The following CAPN15 variants were observed in gnomAD, a reference collection of about 807,000 sequenced individuals.
CAPN15 encodes calpain-15.
Under a neutral mutation model 97.9 loss-of-function variants are expected in CAPN15, and 53 were observed. The observed-to-expected ratio is 0.54, with a 90% confidence interval of 0.43 to 0.68. CAPN15 has a LOEUF of 0.68. Among genes scored for constraint, CAPN15 ranks in the 30% least tolerant of loss-of-function variants. The pLI is 0.00. For missense variants in CAPN15, 1,592 were observed against 1,589.8 expected, an observed-to-expected ratio of 1.00 and a Z score of -0.02; for synonymous variants, 922 against 722.5, an observed-to-expected ratio of 1.28 and a Z score of -4.43.
Position 533,676 on chromosome 16 carries a change from C to T in CAPN15, c.-189-270C>T, listed in dbSNP as rs187347677. 1.5e-3 allele frequency among the ~76,000 whole-genome samples: 226 copies of T among 152,214 alleles called. 1 individual carries two copies. The highest frequency in any genetic ancestry group is 2.5e-3 in the Non-Finnish European group (169 of 67,998). On this transcript the variant is annotated intron_variant, in intron 1 of 13. Transcript: ENST00000219611. ...GGCCCTGTCTGCGGTCCTGGCTGGC[C>T]GGAGGTTGACCGCACTGGACAGGTC...
intron 1 of CAPN15, among the ~76,000 whole-genome samples, chr16:529,900 A>G (rs11864655): frequency 0.25 from 38,387 of 152,082 alleles, 7,909 homozygotes; most frequent in African/African-American, 0.56. Context: ...AAGACACAGA[A>G]GAAGGAGGCC....
chr16:546,481 C>T (rs947317569), intron 3 of CAPN15, among the ~76,000 whole-genome samples: 37 of 152,058 alleles, frequency 2.4e-4, no homozygotes, highest in Non-Finnish European at 4.7e-4. Flanking sequence ...TGAGTTTGGC[C>T]GGGACCCCCT....
intron 3 of CAPN15, chr16:540,300 C>G: frequency 1.0e-6 from 1 of 985,526 alleles, no homozygotes; most frequent in Non-Finnish European, 1.2e-6. Context: ...GTAGGAGCGG[C>G]CCAGGGGGGC....
Position 547,519 on chromosome 16 carries a change from C to G in CAPN15, c.681C>G (p.Pro227=). Residue 227 remains proline, a synonymous_variant, in exon 4 of 14, where the codon CCC becomes CCG. Transcript: ENST00000219611. ...SQGPAAEPEP[P]RVPPFSPFSS... ...GCCCAGCTGCCGAACCAGAGCCGCC[C>G]AGGGTCCCGCCCTTCAGCCCCTTCT... is the stretch of plus-strand genomic sequence containing the variant. The G allele has an allele frequency of 6.3e-7, 1 of 1,598,240 alleles. No individual in the cohort carries two copies. The highest frequency in any genetic ancestry group is 8.5e-7 in the Non-Finnish European group (1 of 1,179,160).
In CAPN15 at chr16:552,570, G is replaced by A. The variant is rs752645520; in HGVS notation, c.2738-35G>A. 58 of 1,561,842 alleles carry A rather than the reference G, an allele frequency of 3.7e-5. No individual in the cohort carries two copies. The highest frequency in any genetic ancestry group is 2.8e-4 in the African/African-American group (21 of 73,914). On this transcript the variant is annotated intron_variant, in intron 11 of 13. Coordinates refer to ENST00000219611, the MANE Select transcript of CAPN15 (RefSeq NM_005632.3). The surrounding 1 kb of genome is among the most constrained non-coding windows in gnomAD (Gnocchi z 6.4). ...CCCCAGGCTCATGCCCCAGGCCCAC[G>A]GGGAGGGCTGCGGTTCACACGCCCG...
At position 547,659 on chromosome 16, in the gene CAPN15, C is replaced by T. The variant is rs1350668114; in HGVS notation, c.821C>T (p.Ala274Val). ...QPSPSAGCRG[A>V]PQGSGWAGAS... Reference sequence around the variant, plus strand: ...TCACCCTCTGCCGGCTGCAGGGGAGCCCCCCAGGGCTCGGGCTGGGCTGGG... The same window carrying T: ...TCACCCTCTGCCGGCTGCAGGGGAGTCCCCCAGGGCTCGGGCTGGGCTGGG... Residue 274 changes from alanine to valine, a missense_variant, in exon 4 of 14, where the codon GCC (alanine) becomes GTC (valine). By Grantham distance (64) the Ala-to-Val change is moderately conservative. Coordinates refer to ENST00000219611, the MANE Select transcript of CAPN15 (RefSeq NM_005632.3). 3.8e-6 allele frequency: 6 copies of T among 1,572,518 alleles called. No individual in the cohort carries two copies. Among genetic ancestry groups the T allele is most frequent in the East Asian group, 2.3e-5 (1 of 44,052 alleles).
rs774748919 is a variant in CAPN15, at chr16:552,353, C to T, written c.2560C>T (p.Arg854Trp). ...GCTGGACCTGTGCATCCTGGTGTTC[C>T]GGGCCACGTTCGGCAGCGGCGGCCA... The part of the protein sequence containing the change: ...HLLDLCILVF[R>W]ATFGSGGHLS... The change falls in exon 11 of 14, where the codon CGG becomes TGG. Residue 854 changes from arginine to tryptophan, a missense_variant. By Grantham distance (101) the Arg-to-Trp change is moderately radical. Transcript: ENST00000219611. The surrounding 1 kb of genome is among the most constrained non-coding windows in gnomAD (Gnocchi z 6.4). 1.9e-5 allele frequency: 30 copies of T among 1,595,380 alleles called. No individual in the cohort carries two copies. Among genetic ancestry groups the T allele is most frequent in the East Asian group, 4.5e-5 (2 of 44,228 alleles).
chr16:539,823 C>G (rs901408399), intron 3 of CAPN15: 2 of 152,346 alleles, frequency 1.3e-5, no homozygotes, highest in African/African-American at 4.8e-5. Context: ...AGCGTGTGAT[C>G]TCTTTTCTCA....
At chr16:530,133 C>T (rs1363082022) in intron 1 of CAPN15, among the ~76,000 whole-genome samples, 1 of 152,228 alleles carries the variant, frequency 6.6e-6, no homozygotes, top group African/African-American at 2.4e-5. Context: ...GCCTCTCATG[C>T]CCCACGCTGG....
In CAPN15 at chr16:547,757, A is replaced by G. The variant is rs772314259; in HGVS notation, c.919A>G (p.Thr307Ala). The change falls in exon 4 of 14, where the codon ACC becomes GCC. Residue 307 changes from threonine to alanine, a missense_variant. Thr to Ala is a moderately conservative substitution (Grantham distance 58). Around this residue, in one of 3 missense-constraint regions of CAPN15, gnomAD observed 883 missense variants for 776.6 expected, o/e 1.14. Transcript: ENST00000219611. ...VLEEEATEGG[T>A]SRVEAGSSTS... ...GGAGGAAGAGGCCACGGAGGGTGGC[A>G]CCAGCCGCGTAGAGGCCGGCAGCTC... 7 of 1,608,878 alleles carry G rather than the reference A, an allele frequency of 4.4e-6. No homozygotes were observed. In the Admixed American group the frequency reaches 1.2e-4, roughly 27 times the overall value.
chr16:540,240 C>T (rs1309759627), intron 3 of CAPN15: 1 of 985,378 alleles, frequency 1.0e-6, no homozygotes, highest in Admixed American at 6.1e-5. Flanking sequence ...CGGACCACAG[C>T]TTCCCCGGGG....
rs771706179 is a variant in CAPN15 at position 548,149 on chromosome 16, G to A, written c.1311G>A (p.Thr437=). 11 of 1,531,938 alleles carry A rather than the reference G, an allele frequency of 7.2e-6. No homozygotes were observed. The highest frequency in any genetic ancestry group is 6.1e-5 in the South Asian group (5 of 81,398). The allele number at this position is 1,531,938 out of a possible 1,614,324, so 94.9% of individuals were successfully genotyped here. A position where few individuals can be genotyped will look rare whatever the true frequency, so the allele number is the denominator to read the frequency against. Residue 437 remains threonine (T), a synonymous_variant, in exon 4 of 14, where the codon ACG becomes ACA. Coordinates refer to ENST00000219611, the MANE Select transcript of CAPN15 (RefSeq NM_005632.3). The part of the protein sequence containing the change: ...LRAKHCAACH[T]PQLLVAQRRG... ...CCAAGCACTGCGCCGCCTGCCACACGCCTCAGCTCCTGGTGGCCCAGCGGC... is the reference window on the plus strand; with the variant it reads ...CCAAGCACTGCGCCGCCTGCCACACACCTCAGCTCCTGGTGGCCCAGCGGC...
Position 535,964 on chromosome 16 carries a change from C to A in CAPN15, c.-136-65C>A. ...GGGCCTCACCCTGCTGTCCCTCGGC[C>A]TGGCCTGGGCACACTCCTTGGTGAC... On this transcript the variant is annotated intron_variant, in intron 2 of 13. Transcript: ENST00000219611. The surrounding 1 kb of genome is among the most constrained non-coding windows in gnomAD (Gnocchi z 6.2). 2.2e-6 allele frequency: 1 copy of A among 448,782 alleles called. No individual in the cohort carries two copies. Among genetic ancestry groups the A allele is most frequent in the Non-Finnish European group, 2.9e-6 (1 of 341,846 alleles). 27.8% of individuals were successfully genotyped at this position (448,782 alleles called of 1,614,324 possible). A position where few individuals can be genotyped will look rare whatever the true frequency, so the allele number is the denominator to read the frequency against.
chr16:527,767 C>T lies in CAPN15; in HGVS notation c.-452C>T, dbSNP rs1391960551. The T allele has an allele frequency of 1.3e-5, 2 of 149,642 alleles. No homozygotes were observed. Among genetic ancestry groups the T allele is most frequent in the Non-Finnish European group, 1.5e-5 (1 of 67,080 alleles). The allele number at this position is 149,642 out of a possible 1,614,324, so 9.3% of individuals were successfully genotyped here. A position where few individuals can be genotyped will look rare whatever the true frequency, so the allele number is the denominator to read the frequency against. ...GTGCGCCCCGGGCGCGCCGTAGCCG[C>T]GGGGCCCGGGCCGGGCGCTACGCTA... is the stretch of plus-strand genomic sequence containing the variant. On this transcript the variant is annotated 5_prime_UTR_variant, in exon 1 of 14. Transcript: ENST00000219611.
In CAPN15 at chr16:547,701, A is replaced by C. The variant is rs1325383607; in HGVS notation, c.863A>C (p.Glu288Ala). ...SGWAGASRLA[E>A]LLSGKRLSVL... ...TGGGCTGGGGCCTCCCGCCTAGCAGAGTTGCTGTCTGGCAAGCGGCTGAGT... is the reference window on the plus strand; with the variant it reads ...TGGGCTGGGGCCTCCCGCCTAGCAGCGTTGCTGTCTGGCAAGCGGCTGAGT... The change falls in exon 4 of 14, where the codon GAG becomes GCG. Residue 288 changes from glutamate to alanine, a missense_variant. By Grantham distance (107) the Glu-to-Ala change is moderately radical (BLOSUM62 -1). This residue lies in a region of CAPN15 where 883 missense variants were observed against 776.6 expected (regional missense o/e 1.14). Transcript: ENST00000219611. The C allele has an allele frequency of 6.3e-7, 1 of 1,598,232 alleles. No homozygotes were observed. The highest frequency in any genetic ancestry group is 8.5e-7 in the Non-Finnish European group (1 of 1,171,152).
At position 552,824 on chromosome 16, in the gene CAPN15, G is replaced by A. The variant is rs2035195041; in HGVS notation, c.2905-39G>A. 1 of 1,097,474 alleles carries A rather than the reference G, an allele frequency of 9.1e-7. No homozygotes were observed. The highest frequency in any genetic ancestry group is 1.3e-5 in the South Asian group (1 of 75,370). The allele number at this position is 1,097,474 out of a possible 1,614,324, so 68.0% of individuals were successfully genotyped here. ...CGTGGGGCAGGGGGAGTATGCCCCA[G>A]CACCTCCCCTGCCCCACAACTGCCA... On this transcript the variant is annotated intron_variant, in intron 12 of 13. Transcript: ENST00000219611. The surrounding 1 kb of genome is among the most constrained non-coding windows in gnomAD (Gnocchi z 6.4).
rs1265129487 is a variant in CAPN15 at position 535,589 on chromosome 16, G to A, written c.-136-440G>A. Reference sequence around the variant, plus strand: ...CGGCTCCCAGGGAGGGCGGGGAGCTGCACAGTTGGACTTGTGGGGGTCAGG... The same window carrying A: ...CGGCTCCCAGGGAGGGCGGGGAGCTACACAGTTGGACTTGTGGGGGTCAGG... On this transcript the variant is annotated intron_variant, in intron 2 of 13. Coordinates refer to ENST00000219611, the MANE Select transcript of CAPN15 (RefSeq NM_005632.3). The surrounding 1 kb of genome is among the most constrained non-coding windows in gnomAD (Gnocchi z 6.2). Among the ~76,000 whole-genome samples, 1 of 152,152 alleles carries A rather than the reference G, an allele frequency of 6.6e-6. No individual in the cohort carries two copies. Among genetic ancestry groups the A allele is most frequent in the Non-Finnish European group, 1.5e-5 (1 of 68,014 alleles).
At chr16:546,079 A>AGTCCACCCCC (rs1429057033) in intron 3 of CAPN15, among the ~76,000 whole-genome samples, 2 of 152,164 alleles carry the variant, frequency 1.3e-5, no homozygotes, top group African/African-American at 2.4e-5. Context: ...CGCCGGGCCC[A>AGTCCACCCCC]GTCCACCCCC....
intron 3 of CAPN15, among the ~76,000 whole-genome samples, chr16:544,228 C>T (rs904948952): frequency 6.6e-6 from 1 of 152,128 alleles, no homozygotes; most frequent in Non-Finnish European, 1.5e-5. Flanking sequence ...CCATGGTATC[C>T]CCCGCCCTGG....
Sources: allele counts gnomAD v4.1 joint callset (sites outside exome capture counted in the v4.1 genomes callset), GRCh38; gene constraint gnomAD v4.1.1; regional missense constraint gnomAD v4.1.1; non-coding constraint Gnocchi (gnomAD v3.1); transcripts MANE v1.5; gene names NCBI Gene and HGNC (gene_info 2026-07-23, HGNC 2026-07-21).